Variants in P4HA1 observed in about 807,000 individuals in gnomAD.
P4HA1 encodes the protein prolyl 4-hydroxylase subunit alpha 1.
Under a neutral mutation model 72.8 loss-of-function variants are expected in P4HA1, and 24 were observed. The observed-to-expected ratio is 0.33, with a 90% CI of 0.24 to 0.46. The LOEUF (loss-of-function observed/expected upper bound fraction) is 0.46. Ranked by LOEUF, P4HA1 falls within the 20% of genes least tolerant of loss-of-function variation. P4HA1 has a pLI of 1.00. For synonymous variants in P4HA1, 201 were observed against 218.8 expected (o/e 0.92, Z 0.72); for missense variants, 446 against 640.6 (o/e 0.70, Z 3.28).
intron 8 of P4HA1, 54 bp from the exon 9 acceptor site, chr10:73,045,105 A>AT: frequency 1.4e-6 from 2 of 1,433,048 alleles, no homozygotes; most frequent in Non-Finnish European, 2.0e-6. Flanking sequence ...ACTGAATCAC[A>AT]TTTACCCAAC....
intron 10 of P4HA1, among the ~76,000 whole-genome samples, chr10:73,025,764 G>A (rs919611798): frequency 4.5e-4 from 68 of 152,172 alleles, no homozygotes; most frequent in Non-Finnish European, 8.1e-4. Context: ...CTTCAGCAAA[G>A]TCTCAGGATA....
At chr10:73,091,459 G>A (rs768365047) in intron 1 of P4HA1, among the ~76,000 whole-genome samples, 5 of 152,004 alleles carry the variant, frequency 3.3e-5, no homozygotes, top group Non-Finnish European at 5.9e-5. Flanking sequence ...GAGCCACCAC[G>A]CCTAGACTAA....
intron 5 of P4HA1, among the ~76,000 whole-genome samples, chr10:73,066,887 G>A (rs953206510): frequency 2.2e-4 from 33 of 152,088 alleles, no homozygotes; most frequent in Admixed American, 2.2e-3. Flanking sequence ...TAAGACATCC[G>A]TAGCCATGCG....
At chr10:73,055,349 C>T (rs4572061) in intron 5 of P4HA1, among the ~76,000 whole-genome samples, 16,246 of 152,118 alleles carry the variant, frequency 0.11, 1,241 homozygotes, top group East Asian at 0.29. Flanking sequence ...GGATTACAGG[C>T]GTGTGCTACC....
At position 73,093,874 on chromosome 10, in the gene P4HA1, ATATATAT is replaced by A. The variant is rs1212831285; in HGVS notation, c.-33+2885_-33+2891del. Among the ~76,000 whole-genome samples the A allele has an allele frequency of 5.8e-3, 159 of 27,644 alleles. 2 individuals carry two copies. Among genetic ancestry groups the A allele is most frequent in the African/African-American group, 0.017 (151 of 8,664 alleles). 18.1% of individuals were successfully genotyped at this position (27,644 alleles called of 152,430 possible). A position where few individuals can be genotyped will look rare whatever the true frequency, so the allele number is the denominator to read the frequency against. ...AAAAAAAAAAAAAAAAAAAAAAAAAATATATATATATATATATATATATATATATATA... is the reference window on the plus strand; with the variant it reads ...AAAAAAAAAAAAAAAAAAAAAAAAAAATATATATATATATATATATATATA... On this transcript the variant is annotated intron_variant, in intron 1 of 14. Coordinates refer to ENST00000394890, the MANE Select transcript of P4HA1 (RefSeq NM_001017962.3).
At chr10:73,069,617 G>T (rs1841503636) in intron 4 of P4HA1, among the ~76,000 whole-genome samples, 1 of 151,996 alleles carries the variant, frequency 6.6e-6, no homozygotes, top group African/African-American at 2.4e-5. Context: ...TAATCTTAGA[G>T]GATTTATATA....
At chr10:73,073,379 A>C (rs1193876976) in intron 3 of P4HA1, among the ~76,000 whole-genome samples, 1 of 151,620 alleles carries the variant, frequency 6.6e-6, no homozygotes, top group Non-Finnish European at 1.5e-5. Flanking sequence ...ATGCTACCAC[A>C]CCCGACTAGT....
chr10:73,037,276 T>C (rs537922213), intron 9 of P4HA1, among the ~76,000 whole-genome samples: 2 of 148,998 alleles, frequency 1.3e-5, no homozygotes, highest in Non-Finnish European at 3.0e-5. Context: ...AACATTTCTA[T>C]GCTTTTTTCC....
At chr10:73,009,757 A>C in intron 14 of P4HA1, 50 bp downstream of exon 14, 1 of 1,100,668 alleles carries the variant, frequency 9.1e-7, no homozygotes, top group Non-Finnish European at 1.4e-6. Context: ...ATAGTTCCAA[A>C]ATAAGAAACA....
chr10:73,043,920 T>C (rs1449671304), intron 9 of P4HA1: 2 of 1,613,322 alleles, frequency 1.2e-6, no homozygotes, highest in South Asian at 2.2e-5. Flanking sequence ...TGTGGTCAAT[T>C]TTCCAGTCTC....
intron 9 of P4HA1, chr10:73,044,007 T>C (rs773788857): frequency 6.9e-7 from 1 of 1,439,756 alleles, no homozygotes; most frequent in South Asian, 1.2e-5. Context: ...CAGGCAATTT[T>C]GGGCTTTTTG....
intron 9 of P4HA1, among the ~76,000 whole-genome samples, chr10:73,040,030 T>A (rs1282092004): frequency 6.6e-6 from 1 of 151,868 alleles, no homozygotes; most frequent in Non-Finnish European, 1.5e-5. Context: ...CTCAGCTAAT[T>A]TTTTTCTTAA....
chr10:73,088,846 T>C (rs1177996798), intron 1 of P4HA1, among the ~76,000 whole-genome samples: 1 of 152,274 alleles, frequency 6.6e-6, no homozygotes, highest in Non-Finnish European at 1.5e-5. Flanking sequence ...GTTCAATTGA[T>C]CTGTATGTCT....
intron 9 of P4HA1, among the ~76,000 whole-genome samples, chr10:73,042,591 A>G (rs1035283473): frequency 1.1e-4 from 17 of 152,274 alleles, no homozygotes; most frequent in Non-Finnish European, 2.5e-4. Context: ...GATATCCACC[A>G]TCATCCACTT....
chr10:73,085,196 A>C (rs1841901173), intron 1 of P4HA1, among the ~76,000 whole-genome samples: 1 of 152,170 alleles, frequency 6.6e-6, no homozygotes, highest in Non-Finnish European at 1.5e-5. Flanking sequence ...CATAACGCCT[A>C]GGCAATAGTT....
chr10:73,050,213 A>T (rs1263290927), intron 7 of P4HA1, among the ~76,000 whole-genome samples: 4 of 151,702 alleles, frequency 2.6e-5, no homozygotes, highest in Admixed American at 2.0e-4. Context: ...CATTAAATAT[A>T]AAAAAAACTA....
chr10:73,036,535 TAC>T, intron 9 of P4HA1, among the ~76,000 whole-genome samples: 1 of 152,156 alleles, frequency 6.6e-6, no homozygotes, highest in Non-Finnish European at 1.5e-5. Context: ...TAACTGGAAC[TAC>T]AAGCATGCAC....
In P4HA1 at chr10:73,024,680, C is replaced by CA. The variant is rs562735724; in HGVS notation, c.1248+5590dup. Among the ~76,000 whole-genome samples, 154 of 152,104 alleles carry CA rather than the reference C, an allele frequency of 1.0e-3. 1 individual carries two copies. Among genetic ancestry groups the CA allele is most frequent in the Middle Eastern group, 3.4e-3 (1 of 294 alleles). ...AGAGATACAGACATAAAAAACCCTT[C>CA]AAAAAATCAATGAATCCAGGAGCTG... On this transcript the variant is annotated intron_variant, in intron 10 of 14. Coordinates refer to ENST00000394890, the MANE Select transcript of P4HA1 (RefSeq NM_001017962.3).
At chr10:73,061,538 A>G (rs924205888) in intron 5 of P4HA1, among the ~76,000 whole-genome samples, 5 of 152,388 alleles carry the variant, frequency 3.3e-5, no homozygotes, top group African/African-American at 1.2e-4. Context: ...TTGACTGGGT[A>G]TTAAATTATA....
Sources: gnomAD v4.1 joint callset for allele counts (sites outside exome capture counted in the v4.1 genomes callset) on GRCh38, gnomAD v4.1.1 for gene constraint, MANE v1.5 for transcripts, NCBI Gene and HGNC (gene_info 2026-07-23, HGNC 2026-07-21) for gene names.